DDX56: variants seen among roughly 807,000 people sequenced by gnomAD.
The protein encoded by DDX56 is DEAD-box helicase 56.
A neutral mutation model predicts 61.5 loss-of-function variants in DDX56; 45 were observed. That is an observed-to-expected ratio of 0.73 (90% CI 0.58 to 0.94). The LOEUF is 0.94. DDX56 is among the 40% of genes least tolerant of loss of function. DDX56 has a pLI of 0.00. For missense variants in DDX56, 708 were observed against 690.7 expected, an observed-to-expected ratio of 1.02 and a Z score of -0.28; for synonymous variants, 273 against 268.3, an observed-to-expected ratio of 1.02 and a Z score of -0.17.
At position 44,571,683 on chromosome 7, in the gene DDX56, C is replaced by G. The variant is rs1585173093; in HGVS notation, c.699G>C (p.Gln233His). The change falls in exon 6 of 14, where the codon CAG becomes CAC. Residue 233 changes from glutamine to histidine, a missense_variant. By Grantham distance (24) the Gln-to-His change is conservative (BLOSUM62 0). Transcript: ENST00000258772. Reference protein sequence around the residue: ...SQLPGPDQLQQFQVVCETEED... With the variant: ...SQLPGPDQLQHFQVVCETEED... ...CCTCAGTCTCACAGACCACCTGAAA[C>G]TGCTGTAACTGGTCTGGCCCAGGCA... 3 of 1,614,156 alleles carry G rather than the reference C, an allele frequency of 1.9e-6. No individual in the cohort carries two copies. The highest frequency in any genetic ancestry group is 4.5e-5 in the East Asian group (2 of 44,890).
At position 44,572,344 on chromosome 7, in the gene DDX56, T is replaced by C. The variant is rs1562585204; in HGVS notation, c.645+3A>G. 1.2e-6 allele frequency: 2 copies of C among 1,613,292 alleles called. No homozygotes were observed. Among genetic ancestry groups the C allele is most frequent in the Middle Eastern group, 1.7e-4 (1 of 6,054 alleles). ...CTCCAGACACTTCCATGGTGCCTCT[T>C]ACCGGGTTATGTAATATCAGCTCCT... is the stretch of plus-strand genomic sequence containing the variant. On this transcript the variant is annotated splice_donor_region_variant and intron_variant, in intron 5 of 13. Transcript: ENST00000258772.
chr7:44,573,114 C>CTAG, intron 2 of DDX56, 64 bp from the exon 3 acceptor site: 1 of 1,449,570 alleles, frequency 6.9e-7, no homozygotes. Context: ...CGTGTCTCTA[C>CTAG]CCCTTCCAGC....
At position 44,568,661 on chromosome 7, in the gene DDX56, C is replaced by T. The variant is rs373778859; in HGVS notation, c.1383+242G>A. Among the ~76,000 whole-genome samples, 23 of 152,054 alleles carry T rather than the reference C, an allele frequency of 1.5e-4. No homozygotes were observed. In the South Asian group the frequency reaches 4.6e-3, roughly 30 times the overall value. ...GGATTAAGTTCCAGAAGTGGAATTT[C>T]GGATGAAAGGACACATGAGCTCGTA... On this transcript the variant is annotated intron_variant, in intron 11 of 13. Transcript: ENST00000258772.
At position 44,571,503 on chromosome 7, in the gene DDX56, T is replaced by C; in HGVS notation, c.879A>G (p.Pro293=). The change falls in exon 6 of 14, where the codon CCA becomes CCG. Residue 293 remains proline, a synonymous_variant. Coordinates refer to ENST00000258772, the MANE Select transcript of DDX56 (RefSeq NM_019082.4). Reference sequence around the variant, plus strand: ...TGGCTGTGGCAGACCTGGAGCGCAGTGGAAGCTCTCCATTGAGCACACAGG... The same window carrying C: ...TGGCTGTGGCAGACCTGGAGCGCAGCGGAAGCTCTCCATTGAGCACACAGG... ...IPTCVLNGEL[P]LRSRCHIISQ... 6.2e-7 allele frequency: 1 copy of C among 1,613,980 alleles called. No homozygotes were observed.
intron 7 of DDX56, 35 bp from the exon 8 acceptor site, chr7:44,570,163 C>T (rs1427771715): frequency 6.2e-7 from 1 of 1,610,162 alleles, no homozygotes; most frequent in African/African-American, 1.3e-5. Flanking sequence ...CGGACCCTTC[C>T]TCTCCTCTGG....
At chr7:44,569,509 C>G (rs1213716673) in intron 9 of DDX56, among the ~76,000 whole-genome samples, 2 of 152,194 alleles carry the variant, frequency 1.3e-5, no homozygotes, top group Non-Finnish European at 2.9e-5. Flanking sequence ...ACGACGGCCA[C>G]AGAGAGCAGT....
Position 44,569,895 on chromosome 7 carries a change from C to T in DDX56, c.1133G>A (p.Arg378His), listed in dbSNP as rs770589512. Reference sequence around the variant, plus strand: ...TAAGACTATGCCTGGGTTGTTAGCGCGTGCTGTCCTGCAAGGGAAGACAGT... The same window carrying T: ...TAAGACTATGCCTGGGTTGTTAGCGTGTGCTGTCCTGCAAGGGAAGACAGT... ...AYIHRAGRTA[R>H]ANNPGIVLTF... Residue 378 changes from arginine (R) to histidine (H), a missense_variant, in exon 9 of 14, where the codon CGC becomes CAC. Transcript: ENST00000258772. 1.1e-5 allele frequency: 17 copies of T among 1,611,074 alleles called. No homozygotes were observed. Among genetic ancestry groups the T allele is most frequent in the African/African-American group, 4.0e-5 (3 of 74,900 alleles).
intron 7 of DDX56, 119 bp from the exon 8 acceptor site, chr7:44,570,247 G>A (rs1802638634): frequency 7.5e-7 from 1 of 1,330,596 alleles, no homozygotes; most frequent in South Asian, 1.4e-5. Context: ...ACATACAGAG[G>A]ACTCTCCAAC....
intron 7 of DDX56, 112 bp downstream of exon 7, chr7:44,570,646 G>T (rs1802646896): frequency 1.4e-6 from 2 of 1,403,292 alleles, no homozygotes; most frequent in African/African-American, 2.9e-5. Context: ...TACACTACCA[G>T]CCAGGCCTGG....
Position 44,572,389 on chromosome 7 carries a change from G to T in DDX56, c.603C>A (p.Asn201Lys), listed in dbSNP as rs1423187230. Reference protein sequence around the residue: ...YQAFLMSATFNEDVQALKELI... With the variant: ...YQAFLMSATFKEDVQALKELI... Reference sequence around the variant, plus strand: ...GCTCCTTGAGTGCTTGTACGTCCTCGTTAAAAGTAGCTGACATGAGAAAAG... The same window carrying T: ...GCTCCTTGAGTGCTTGTACGTCCTCTTTAAAAGTAGCTGACATGAGAAAAG... The change falls in exon 5 of 14, where the codon AAC (asparagine) becomes AAA (lysine). Residue 201 changes from asparagine (N) to lysine (K), a missense_variant. By Grantham distance (94) the Asn-to-Lys change is moderately conservative. Coordinates refer to ENST00000258772, the MANE Select transcript of DDX56 (RefSeq NM_019082.4). 2 of 1,613,976 alleles carry T rather than the reference G, an allele frequency of 1.2e-6. No individual in the cohort carries two copies. Among genetic ancestry groups the T allele is most frequent in the South Asian group, 2.2e-5 (2 of 91,082 alleles).
intron 5 of DDX56, 56 bp downstream of exon 5, chr7:44,572,291 A>G (rs2289055): frequency 0.089 from 128,223 of 1,439,720 alleles, 6,140 homozygotes; most frequent in Middle Eastern, 0.1. Flanking sequence ...AGGAGCATCA[A>G]GATCTTTGAG....
intron 13 of DDX56, 80 bp from the exon 14 acceptor site, chr7:44,566,159 G>A: frequency 1.4e-6 from 1 of 734,164 alleles, no homozygotes; most frequent in Admixed American, 3.1e-5. Flanking sequence ...AACTGAGAAA[G>A]ACACAAAGGG....
Position 44,569,887 on chromosome 7 carries a change from T to G in DDX56, c.1141A>C (p.Asn381His). ...HRAGRTARAN[N>H]PGIVLTFVLP... ...ACAAAGGTTAAGACTATGCCTGGGT[T>G]GTTAGCGCGTGCTGTCCTGCAAGGG... Residue 381 changes from asparagine to histidine, a missense_variant, in exon 9 of 14, where the codon AAC (asparagine) becomes CAC (histidine). Coordinates refer to ENST00000258772, the MANE Select transcript of DDX56 (RefSeq NM_019082.4). The G allele has an allele frequency of 6.2e-7, 1 of 1,611,116 alleles. No individual in the cohort carries two copies. Among genetic ancestry groups the G allele is most frequent in the Non-Finnish European group, 8.5e-7 (1 of 1,178,496 alleles).
Position 44,566,030 on chromosome 7 carries a change from T to A in DDX56, c.1616A>T (p.Lys539Ile). Residue 539 changes from lysine to isoleucine, a missense_variant, in exon 14 of 14, where the codon AAA becomes ATA. By Grantham distance (102) the Lys-to-Ile change is moderately radical. Coordinates refer to ENST00000258772, the MANE Select transcript of DDX56 (RefSeq NM_019082.4). ...GGAGGGCTTGGCTGTGGGTCTGAATTTCTTTCCTTTGTGCTTGAAGCTGCG... is the reference window on the plus strand; with the variant it reads ...GGAGGGCTTGGCTGTGGGTCTGAATATCTTTCCTTTGTGCTTGAAGCTGCG... Reference protein sequence around the residue: ...PLRSFKHKGKKFRPTAKPS With the variant: ...PLRSFKHKGKIFRPTAKPS 1 of 1,613,072 alleles carries A rather than the reference T, an allele frequency of 6.2e-7. No homozygotes were observed. The highest frequency in any genetic ancestry group is 1.3e-5 in the African/African-American group (1 of 75,026).
At chr7:44,573,147 C>A (rs906869735) in intron 2 of DDX56, 97 bp from the exon 3 acceptor site, 2 of 1,092,782 alleles carry the variant, frequency 1.8e-6, no homozygotes, top group Non-Finnish European at 2.6e-6. Context: ...TCTGCTGCAA[C>A]ACTACTTAGC....
intron 9 of DDX56, 24 bp downstream of exon 9, chr7:44,569,785 G>A (rs747643102): frequency 6.3e-7 from 1 of 1,584,416 alleles, no homozygotes; most frequent in Non-Finnish European, 8.6e-7. Context: ...CCCTGGCCCA[G>A]GACCACAAGA....
At position 44,572,395 on chromosome 7, in the gene DDX56, A is replaced by C. The variant is rs745697428; in HGVS notation, c.597T>G (p.Thr199=). 25 of 1,614,046 alleles carry C rather than the reference A, an allele frequency of 1.5e-5. 1 individual carries two copies. The South Asian group carries it at 1.9e-4, about 12-fold the overall frequency. Residue 199 remains threonine (T), a synonymous_variant, in exon 5 of 14, where the codon ACT becomes ACG. Transcript: ENST00000258772. ...TGAGTGCTTGTACGTCCTCGTTAAA[A>C]GTAGCTGACATGAGAAAAGCCTGGT... ...RIYQAFLMSA[T]FNEDVQALKE... is the part of the protein sequence containing the mutation.
chr7:44,571,408 T>C (rs1402523952), intron 6 of DDX56, 84 bp downstream of exon 6: 2 of 1,536,010 alleles, frequency 1.3e-6, no homozygotes, highest in Non-Finnish European at 1.8e-6. Flanking sequence ...CCCTACTAAG[T>C]GCTTAAGAAA....
intron 12 of DDX56, 113 bp downstream of exon 12, chr7:44,568,005 G>A (rs1802584038): frequency 1.2e-6 from 1 of 839,212 alleles, no homozygotes; most frequent in Non-Finnish European, 2.0e-6. Flanking sequence ...GGGTCTCCAG[G>A]TTCTATTCTG....
Sources: allele counts gnomAD v4.1 joint callset (sites outside exome capture counted in the v4.1 genomes callset), GRCh38; gene constraint gnomAD v4.1.1; transcripts MANE v1.5; gene names NCBI Gene and HGNC (gene_info 2026-07-23, HGNC 2026-07-21).